The following ACTR1A variants were observed in gnomAD, a reference collection of about 807,000 sequenced individuals.
The protein encoded by ACTR1A is actin related protein 1A, also known as alpha-centractin.
Under a neutral mutation model 50.7 loss-of-function variants are expected in ACTR1A, and 10 were observed. The observed-to-expected ratio is 0.20, with a 90% CI of 0.12 to 0.33. The LOEUF (loss-of-function observed/expected upper bound fraction) is 0.33. Ranked by LOEUF, ACTR1A falls within the 10% of genes least tolerant of loss-of-function variation. ACTR1A has a pLI of 1.00. For synonymous variants in ACTR1A, 177 were observed against 184.2 expected, an observed-to-expected ratio of 0.96 and a Z score of 0.32; for missense variants, 253 against 491.7, an observed-to-expected ratio of 0.51 and a Z score of 4.59.
At chr10:102,490,504 A>G (rs1437222099) in intron 2 of ACTR1A, 45 bp downstream of exon 2, 1 of 1,536,604 alleles carries the variant, frequency 6.5e-7, no homozygotes, top group Non-Finnish European at 9.0e-7. Flanking sequence ...GGCCTGTAAC[A>G]AAGCTGATGA....
At chr10:102,500,296 G>A (rs1178693789) in intron 1 of ACTR1A, among the ~76,000 whole-genome samples, 1 of 152,132 alleles carries the variant, frequency 6.6e-6, no homozygotes, top group Non-Finnish European at 1.5e-5. Flanking sequence ...TAGGCCGGGC[G>A]CGGTGGCTGA....
At chr10:102,490,446 G>T in intron 2 of ACTR1A, 103 bp downstream of exon 2, 1 of 857,114 alleles carries the variant, frequency 1.2e-6, no homozygotes, top group Non-Finnish European at 1.8e-6. Flanking sequence ...GTAGACAACT[G>T]TTTTCCTTTG....
chr10:102,491,001 AC>A (rs776182825), intron 1 of ACTR1A, among the ~76,000 whole-genome samples: 12 of 152,180 alleles, frequency 7.9e-5, no homozygotes, highest in South Asian at 4.1e-4. Context: ...GAAAAAAAAA[AC>A]AAAACTAATA....
chr10:102,493,157 TACA>T (rs993096423), intron 1 of ACTR1A, among the ~76,000 whole-genome samples: 8 of 152,060 alleles, frequency 5.3e-5, no homozygotes, highest in Non-Finnish European at 1.2e-4. Flanking sequence ...GACTGGGCAG[TACA>T]ACAAGGAGCC....
intron 1 of ACTR1A, among the ~76,000 whole-genome samples, chr10:102,492,172 G>A (rs1230164576): frequency 6.9e-6 from 1 of 144,280 alleles, no homozygotes; most frequent in Non-Finnish European, 1.5e-5. Flanking sequence ...CTGGGTTCAA[G>A]CGATTCTCCT....
chr10:102,482,098 G>A lies in ACTR1A; in HGVS notation c.828C>T (p.His276=), dbSNP rs768303494. ...TCTGAATGGCGAACACCAGGACCTC[G>A]TGGATGCCTTCACTCTCCTCTCCAA... ...DLIGEESEGI[H]EVLVFAIQKS... Residue 276 remains histidine (H), a synonymous_variant, in exon 8 of 11, where the codon CAC becomes CAT. Transcript: ENST00000369905. The surrounding 1 kb of genome is among the most constrained non-coding windows in gnomAD (Gnocchi z 5.6). 3.2e-5 allele frequency: 51 copies of A among 1,614,068 alleles called. No homozygotes were observed. The highest frequency in any genetic ancestry group is 2.8e-4 in the Admixed American group (17 of 60,002).
chr10:102,500,864 G>A (rs2062247415), intron 1 of ACTR1A, among the ~76,000 whole-genome samples: 1 of 152,032 alleles, frequency 6.6e-6, no homozygotes, highest in Non-Finnish European at 1.5e-5. Flanking sequence ...CAACAGCCCA[G>A]GAGTTTGAGA....
At chr10:102,491,866 T>C (rs10883727) in intron 1 of ACTR1A, among the ~76,000 whole-genome samples, 151,634 of 151,922 alleles carry the variant, frequency 1, 75,674 homozygotes, top group South Asian at 1. Context: ...CCCAGGTTCA[T>C]GCCATTCTCC....
intron 1 of ACTR1A, among the ~76,000 whole-genome samples, chr10:102,491,797 G>A (rs1283936530): frequency 2.6e-5 from 4 of 152,180 alleles, no homozygotes; most frequent in Middle Eastern, 3.4e-3. Context: ...ATGGAGTCTC[G>A]CTCTGTCGCC....
chr10:102,482,184 A>C lies in ACTR1A; in HGVS notation c.751-9T>G, dbSNP rs779328625. On this transcript the variant is annotated splice_polypyrimidine_tract_variant and intron_variant, in intron 7 of 10. Coordinates refer to ENST00000369905, the MANE Select transcript of ACTR1A (RefSeq NM_005736.4). This position sits in a 1 kb window ranked among gnomAD's most constrained non-coding sequence, Gnocchi z 5.6. ...AATCGGGAAGGACCAATCTGCAGGT[A>C]GGAGGGCCAGCTGAAGAGGTCGGAG... 6.2e-7 allele frequency: 1 copy of C among 1,610,474 alleles called. No individual in the cohort carries two copies. The highest frequency in any genetic ancestry group is 8.5e-7 in the Non-Finnish European group (1 of 1,179,984).
In ACTR1A at chr10:102,480,563, C is replaced by T. The variant is rs111719270; in HGVS notation, c.*300G>A. The stretch of plus-strand genomic sequence containing the variant: ...CCCTCTGTCTCCCTGTGGTAGTAAA[C>T]GGAGTCCCCCACAGCCAGCCAGAGG... On this transcript the variant is annotated 3_prime_UTR_variant, in exon 11 of 11. Coordinates refer to ENST00000369905, the MANE Select transcript of ACTR1A (RefSeq NM_005736.4). 3.3e-4 allele frequency: 140 copies of T among 419,422 alleles called. No homozygotes were observed. The highest frequency in any genetic ancestry group is 5.1e-4 in the East Asian group (11 of 21,740). The allele number at this position is 419,422 out of a possible 1,614,324, so 26.0% of individuals were successfully genotyped here.
chr10:102,485,557 T>C, intron 5 of ACTR1A, 52 bp downstream of exon 5: 2 of 1,608,176 alleles, frequency 1.2e-6, no homozygotes, highest in Non-Finnish European at 1.7e-6. Flanking sequence ...GCCTCAGCTG[T>C]GCCAAAGGAC....
In ACTR1A at chr10:102,482,802, A is replaced by T. The variant is rs533354739; in HGVS notation, c.750+209T>A. On this transcript the variant is annotated intron_variant, in intron 7 of 10. Coordinates refer to ENST00000369905, the MANE Select transcript of ACTR1A (RefSeq NM_005736.4). The surrounding 1 kb of genome is among the most constrained non-coding windows in gnomAD (Gnocchi z 5.6). ...AGCTAAAAAAAAAAATTGCAAAAGA[A>T]TCTCATAATGTTTTAAGAAAGTTTA... The T allele has an allele frequency of 1.8e-6, 1 of 569,652 alleles. No homozygotes were observed. Among genetic ancestry groups the T allele is most frequent in the South Asian group, 2.3e-5 (1 of 42,822 alleles). 35.3% of individuals were successfully genotyped at this position (569,652 alleles called of 1,614,324 possible). A position where few individuals can be genotyped will look rare whatever the true frequency, so the allele number is the denominator to read the frequency against.
At chr10:102,494,043 C>G (rs770445588) in intron 1 of ACTR1A, among the ~76,000 whole-genome samples, 4 of 152,196 alleles carry the variant, frequency 2.6e-5, no homozygotes, top group African/African-American at 9.7e-5. Flanking sequence ...CAATTCTGCT[C>G]AAGCCACACA....
intron 1 of ACTR1A, among the ~76,000 whole-genome samples, chr10:102,500,031 A>G (rs998571782): frequency 1.3e-5 from 2 of 152,214 alleles, no homozygotes; most frequent in Non-Finnish European, 2.9e-5. Context: ...AAGGAATATC[A>G]TCTTTCTTAA....
In ACTR1A at chr10:102,479,556, C is replaced by A. The variant is rs527797447; in HGVS notation, c.*1307G>T. 86 of 1,245,008 alleles carry A rather than the reference C, an allele frequency of 6.9e-5. No homozygotes were observed. Among genetic ancestry groups the A allele is most frequent in the Non-Finnish European group, 8.4e-5 (80 of 951,460 alleles). 77.1% of individuals were successfully genotyped at this position (1,245,008 alleles called of 1,614,324 possible). On this transcript the variant is annotated 3_prime_UTR_variant, in exon 11 of 11. Coordinates refer to ENST00000369905, the MANE Select transcript of ACTR1A (RefSeq NM_005736.4). The surrounding 1 kb of genome is among the most constrained non-coding windows in gnomAD (Gnocchi z 4.0). Reference sequence around the variant, plus strand: ...ACCATCTAGGCTGAAGGCCTTTGGACCACTCCTAGGAGTCAGGCCTGGCTC... The same window carrying A: ...ACCATCTAGGCTGAAGGCCTTTGGAACACTCCTAGGAGTCAGGCCTGGCTC...
Position 102,480,713 on chromosome 10 carries a change from C to T in ACTR1A, c.*150G>A. On this transcript the variant is annotated 3_prime_UTR_variant, in exon 11 of 11. Transcript: ENST00000369905. ...TCATCGTCCTTTCTGGGCCCAGGGT[C>T]CCAGGGCCACACGGCACTCGCATGT... is the stretch of plus-strand genomic sequence containing the variant. 2 of 701,954 alleles carry T rather than the reference C, an allele frequency of 2.8e-6. No homozygotes were observed. Among genetic ancestry groups the T allele is most frequent in the Non-Finnish European group, 5.1e-6 (2 of 395,646 alleles). The allele number at this position is 701,954 out of a possible 1,614,324, so 43.5% of individuals were successfully genotyped here. A position where few individuals can be genotyped will look rare whatever the true frequency, so the allele number is the denominator to read the frequency against.
chr10:102,485,533 C>G (rs1307277583), intron 5 of ACTR1A, 76 bp downstream of exon 5: 8 of 1,591,118 alleles, frequency 5.0e-6, no homozygotes, highest in Non-Finnish European at 6.0e-6. Flanking sequence ...CTGAACCATT[C>G]CAGAGGAGAG....
At chr10:102,493,755 G>GT (rs1269558815) in intron 1 of ACTR1A, among the ~76,000 whole-genome samples, 4 of 152,244 alleles carry the variant, frequency 2.6e-5, no homozygotes, top group African/African-American at 9.6e-5. Context: ...CATTTTGGCA[G>GT]TATCTGGCAT....
Sources: allele counts gnomAD v4.1 joint callset (sites outside exome capture counted in the v4.1 genomes callset), GRCh38; gene constraint gnomAD v4.1.1; non-coding constraint Gnocchi (gnomAD v3.1); transcripts MANE v1.5; gene names NCBI Gene and HGNC (gene_info 2026-07-23, HGNC 2026-07-21).